Variants in CDKL2 observed in about 807,000 individuals in gnomAD.
CDKL2 encodes the protein cyclin dependent kinase like 2.
CDKL2 carries 64 observed loss-of-function variants against 63.9 expected under a neutral mutation model. The observed-to-expected ratio is 1.00, with a 90% CI of 0.82 to 1.23. The LOEUF is 1.23. Ranked by LOEUF, CDKL2 falls within the 50% of genes most tolerant of loss-of-function variation. The pLI is 0.00. For synonymous variants in CDKL2, 211 were observed against 229.2 expected (o/e 0.92, Z 0.72); for missense variants, 656 against 668.0 (o/e 0.98, Z 0.20).
At chr4:75,600,634 A>AT (rs1729148228) in intron 6 of CDKL2, among the ~76,000 whole-genome samples, 1 of 151,826 alleles carries the variant, frequency 6.6e-6, no homozygotes, top group Admixed American at 6.6e-5. Context: ...TAATTTTTGT[A>AT]TTTTTTGTAG....
chr4:75,628,515 T>C (rs1393734847), intron 1 of CDKL2, among the ~76,000 whole-genome samples: 3 of 152,332 alleles, frequency 2.0e-5, no homozygotes, highest in East Asian at 3.9e-4. Flanking sequence ...CCAGCAATCA[T>C]TGGACAAAAT....
intron 12 of CDKL2, among the ~76,000 whole-genome samples, chr4:75,584,090 ATGTTACTAATTAGCTGTTAAT>A (rs1379038181): frequency 3.3e-5 from 5 of 152,326 alleles, no homozygotes; most frequent in Non-Finnish European, 7.4e-5. Context: ...CATGGAATAA[ATGTTACTAATTAGCTGTTAAT>A]TGTTACTAAT....
rs772021826 is a variant in CDKL2, at chr4:75,581,918, C to A, written c.1648-20G>T. ...TGATACCTATAAATTAATAATAGAG[C>A]ATCATAGGTTCTCAGTAATTGCAAA... On this transcript the variant is annotated intron_variant, in intron 12 of 13. Coordinates refer to ENST00000307465, the MANE Select transcript of CDKL2 (RefSeq NM_001330724.2). 11 of 1,552,678 alleles carry A rather than the reference C, an allele frequency of 7.1e-6. No individual in the cohort carries two copies. Among genetic ancestry groups the A allele is most frequent in the Admixed American group, 1.7e-5 (1 of 59,314 alleles).
At chr4:75,626,887 C>CA (rs1270051062) in intron 1 of CDKL2, among the ~76,000 whole-genome samples, 1 of 151,566 alleles carries the variant, frequency 6.6e-6, no homozygotes, top group African/African-American at 2.4e-5. Context: ...GAATCTGTCT[C>CA]AAAAACAAAA....
intron 5 of CDKL2, 58 bp downstream of exon 5, chr4:75,605,464 G>A: frequency 2.0e-6 from 2 of 985,758 alleles, no homozygotes; most frequent in East Asian, 2.5e-5. Flanking sequence ...AAACACACAG[G>A]CACAAACAAA....
chr4:75,605,824 T>C (rs1447345269), intron 4 of CDKL2, among the ~76,000 whole-genome samples, 190 bp from the exon 5 acceptor site: 1 of 150,596 alleles, frequency 6.6e-6, no homozygotes, highest in East Asian at 1.9e-4. Context: ...AAAAAACCCA[T>C]CTGAAATCTG....
intron 2 of CDKL2, among the ~76,000 whole-genome samples, chr4:75,616,700 CAAAAAAAA>C (rs765649411): frequency 4.3e-5 from 3 of 70,450 alleles, no homozygotes; most frequent in African/African-American, 1.5e-4. Context: ...ACTCCATCTC[CAAAAAAAA>C]AAAAAAAAAG....
intron 3 of CDKL2, among the ~76,000 whole-genome samples, chr4:75,608,460 A>C (rs1196151496): frequency 1.3e-5 from 2 of 152,152 alleles, no homozygotes; most frequent in African/African-American, 4.8e-5. Context: ...GGTTGTGTGA[A>C]GTGGAGGCGG....
intron 3 of CDKL2, among the ~76,000 whole-genome samples, chr4:75,610,830 T>C (rs1729656027): frequency 6.6e-6 from 1 of 152,016 alleles, no homozygotes. Context: ...TGTTTATATA[T>C]ATGTATGTAT....
intron 3 of CDKL2, among the ~76,000 whole-genome samples, chr4:75,611,843 G>A (rs958666944): frequency 3.3e-5 from 5 of 151,006 alleles, no homozygotes; most frequent in African/African-American, 9.9e-5. Flanking sequence ...TAGTAGAGAC[G>A]GGGTTTCACC....
chr4:75,626,360 A>G (rs1191443627), intron 1 of CDKL2, among the ~76,000 whole-genome samples: 3 of 152,172 alleles, frequency 2.0e-5, no homozygotes, highest in African/African-American at 7.2e-5. Flanking sequence ...AACAATTACA[A>G]CTCACTTTAA....
intron 12 of CDKL2, among the ~76,000 whole-genome samples, chr4:75,586,526 A>C (rs1337993848): frequency 6.6e-6 from 1 of 152,114 alleles, no homozygotes; most frequent in Non-Finnish European, 1.5e-5. Flanking sequence ...CACTGCGCCC[A>C]GCCTGGACTA....
At chr4:75,618,842 C>T (rs1279250171) in intron 2 of CDKL2, among the ~76,000 whole-genome samples, 3 of 152,128 alleles carry the variant, frequency 2.0e-5, no homozygotes, top group African/African-American at 7.2e-5. Flanking sequence ...AAAACTACAT[C>T]CTCCAGAGTG....
At chr4:75,608,855 G>C (rs555510569) in intron 3 of CDKL2, among the ~76,000 whole-genome samples, 2 of 152,084 alleles carry the variant, frequency 1.3e-5, no homozygotes, top group Non-Finnish European at 2.9e-5. Context: ...GTAGCTGGGC[G>C]TGCTGGCACG....
At position 75,578,302 on chromosome 4, in the gene CDKL2, T is replaced by G. The variant is rs1728114712; in HGVS notation, c.*900A>C. Reference sequence around the variant, plus strand: ...GGGACAAAAGTGGAGTCCATAATAATGAACGTTCTCTCCCCAAACCCTCTT... The same window carrying G: ...GGGACAAAAGTGGAGTCCATAATAAGGAACGTTCTCTCCCCAAACCCTCTT... On this transcript the variant is annotated 3_prime_UTR_variant, in exon 14 of 14. Transcript: ENST00000307465. 6.6e-6 allele frequency: 1 copy of G among 152,186 alleles called. No individual in the cohort carries two copies. Among genetic ancestry groups the G allele is most frequent in the Non-Finnish European group, 1.5e-5 (1 of 68,048 alleles). 9.4% of individuals were successfully genotyped at this position (152,186 alleles called of 1,614,324 possible).
Position 75,605,558 on chromosome 4 carries a change from C to T in CDKL2, c.619G>A (p.Asp207Asn). 1 of 1,612,272 alleles carries T rather than the reference C, an allele frequency of 6.2e-7. No homozygotes were observed. The highest frequency in any genetic ancestry group is 1.3e-5 in the African/African-American group (1 of 74,992). ...MGEPLFPGDS[D>N]IDQLYHIMMC... is the part of the protein sequence containing the mutation. ...ATAATATGATATAGCTGATCAATAT[C>T]AGAATCTCCAGGAAATAGGGGTTCC... is the stretch of plus-strand genomic sequence containing the variant. Residue 207 changes from aspartate to asparagine, a missense_variant, in exon 5 of 14, where the codon GAT becomes AAT. Asp to Asn is a conservative substitution (Grantham distance 23). Transcript: ENST00000307465.
intron 13 of CDKL2, among the ~76,000 whole-genome samples, chr4:75,580,992 G>A (rs1005963037): frequency 4.6e-5 from 7 of 152,090 alleles, no homozygotes; most frequent in Non-Finnish European, 7.4e-5. Flanking sequence ...GAGCCACCGC[G>A]CCCAGCCTTG....
At chr4:75,586,249 G>T (rs1260593414) in intron 12 of CDKL2, among the ~76,000 whole-genome samples, 2 of 149,048 alleles carry the variant, frequency 1.3e-5, no homozygotes, top group African/African-American at 4.9e-5. Flanking sequence ...TTTTTAAGAT[G>T]GAGTCTTGAT....
Position 75,607,206 on chromosome 4 carries a change from C to A in CDKL2, c.519G>T (p.Leu173Phe), listed in dbSNP as rs766439105. 1.2e-6 allele frequency: 2 copies of A among 1,610,004 alleles called. No individual in the cohort carries two copies. The highest frequency in any genetic ancestry group is 4.5e-5 in the East Asian group (2 of 44,834). ...ACTTGCCATACTTGACATCACCAAC[C>A]AATAGTTCTGGAGCTCTGTACCATC... ...ATRWYRAPEL[L>F]VGDVKYGKAV... Residue 173 changes from leucine to phenylalanine, a missense_variant, in exon 4 of 14, where the codon TTG becomes TTT. Leu to Phe is a conservative substitution (Grantham distance 22, BLOSUM62 0). Transcript: ENST00000307465.
Sources: allele counts gnomAD v4.1 joint callset (sites outside exome capture counted in the v4.1 genomes callset), GRCh38; gene constraint gnomAD v4.1.1; transcripts MANE v1.5; gene names NCBI Gene and HGNC (gene_info 2026-07-23, HGNC 2026-07-21).